Variants in COG6 observed in about 807,000 individuals in gnomAD.
The protein encoded by COG6 is component of oligomeric golgi complex 6, also known as conserved oligomeric Golgi complex subunit 6.
Under a neutral mutation model 88.8 loss-of-function variants are expected in COG6, and 74 were observed. The observed-to-expected ratio is 0.83, with a 90% CI of 0.69 to 1.01. The LOEUF (loss-of-function observed/expected upper bound fraction) is 1.01, where lower values mean the gene tolerates loss of function less well. COG6 is among the 50% of genes least tolerant of loss of function. The pLI is 0.00. For synonymous variants in COG6, 286 were observed against 278.7 expected (o/e 1.03, Z -0.26); for missense variants, 800 against 797.9 (o/e 1.00, Z -0.03).
chr13:39,734,763 T>C (rs1023323726), intron 18 of COG6, among the ~76,000 whole-genome samples: 6 of 152,218 alleles, frequency 3.9e-5, no homozygotes, highest in Non-Finnish European at 8.8e-5. Context: ...ATGCTTGCTT[T>C]GTATATCTGG....
At chr13:39,774,331 A>G (rs1881402601) in intron 18 of COG6, among the ~76,000 whole-genome samples, 1 of 152,212 alleles carries the variant, frequency 6.6e-6, no homozygotes, top group Non-Finnish European at 1.5e-5. Context: ...AGAAGAATAT[A>G]AGATATTTAT....
intron 18 of COG6, among the ~76,000 whole-genome samples, chr13:39,732,080 G>A (rs547867762): frequency 2.6e-5 from 4 of 152,208 alleles, no homozygotes; most frequent in East Asian, 1.9e-4. Context: ...CCCCATTGAC[G>A]GTGAATCTTC....
At chr13:39,672,531 G>C (rs1875712742) in intron 4 of COG6, among the ~76,000 whole-genome samples, 2 of 151,886 alleles carry the variant, frequency 1.3e-5, no homozygotes, top group Admixed American at 1.3e-4. Context: ...TTTTTGACTA[G>C]CTTTTTCCAC....
chr13:39,709,046 T>C (rs1878095769), intron 13 of COG6, among the ~76,000 whole-genome samples: 1 of 152,164 alleles, frequency 6.6e-6, no homozygotes, highest in Non-Finnish European at 1.5e-5. Flanking sequence ...CTTTGGAGTC[T>C]GATAGAGCTG....
At position 39,687,530 on chromosome 13, in the gene COG6, C is replaced by A. The variant is rs763364827; in HGVS notation, c.816C>A (p.Ala272=). ...YKYTLDEFGT[A]RRSTVVRGFI... is the part of the protein sequence containing the mutation. ...ATACCTTAGATGAATTTGGAACAGC[C>A]AGAAGAAGTACAGTTGTTCGTGGAT... The change falls in exon 9 of 19, where the codon GCC becomes GCA. Residue 272 remains alanine, a synonymous_variant. Transcript: ENST00000455146. 1.9e-6 allele frequency: 3 copies of A among 1,612,904 alleles called. No individual in the cohort carries two copies. In the African/African-American group the frequency reaches 4.0e-5, roughly 22 times the overall value.
At chr13:39,670,957 C>T (rs898099787) in intron 4 of COG6, among the ~76,000 whole-genome samples, 29 of 152,100 alleles carry the variant, frequency 1.9e-4, no homozygotes, top group African/African-American at 6.7e-4. Context: ...ATTACAGAAG[C>T]GTATGTGGCA....
At chr13:39,760,845 T>C (rs953475535) in intron 18 of COG6, among the ~76,000 whole-genome samples, 6 of 152,108 alleles carry the variant, frequency 3.9e-5, no homozygotes, top group Non-Finnish European at 8.8e-5. Flanking sequence ...TATGTATTTT[T>C]ACTGCACTCT....
intron 18 of COG6, among the ~76,000 whole-genome samples, chr13:39,765,770 C>T (rs765981105): frequency 6.6e-6 from 1 of 152,016 alleles, no homozygotes; most frequent in Non-Finnish European, 1.5e-5. Context: ...TATCCAATAG[C>T]CTAAGGTTTC....
chr13:39,680,851 T>C (rs1362799164), intron 7 of COG6, among the ~76,000 whole-genome samples: 1 of 152,170 alleles, frequency 6.6e-6, no homozygotes, highest in African/African-American at 2.4e-5. Flanking sequence ...ACTTCCATTG[T>C]GAGGCCTGTG....
rs143645489 is a variant in COG6 at position 39,751,002 on chromosome 13, A to G, written c.1883A>G (p.Tyr628Cys). The change falls in exon 19 of 19, where the codon TAT becomes TGT. Residue 628 changes from tyrosine (Y) to cysteine (C), a missense_variant. By Grantham distance (194) the Tyr-to-Cys change is radical. Coordinates refer to ENST00000455146, the MANE Select transcript of COG6 (RefSeq NM_020751.3). Reference protein sequence around the residue: ...ELVCRAYGEVYAAVMNPINEY... With the variant: ...ELVCRAYGEVCAAVMNPINEY... ...GTCTGCAGAGCCTATGGTGAAGTGT[A>G]TGCAGCCGTGATGAATCCAATCAAT... The G allele has an allele frequency of 1.2e-4, 201 of 1,613,596 alleles. No individual in the cohort carries two copies. Among genetic ancestry groups the G allele is most frequent in the Admixed American group, 1.8e-4 (11 of 59,922 alleles).
At position 39,708,417 on chromosome 13, in the gene COG6, G is replaced by A. The variant is rs565658489; in HGVS notation, c.1284+8799G>A. Among the ~76,000 whole-genome samples, 3 of 152,174 alleles carry A rather than the reference G, an allele frequency of 2.0e-5. No homozygotes were observed. In the South Asian group the frequency reaches 6.2e-4, roughly 32 times the overall value. ...CTTGTATAACAAGCTTTTATTTCAT[G>A]ATTAGTTCCTTTTGTGTCCTGTTTA... On this transcript the variant is annotated intron_variant, in intron 13 of 18. Transcript: ENST00000455146.
In COG6 at chr13:39,770,635, C is replaced by T. The variant is rs145671347; in HGVS notation, c.1827-17700C>T. 7.2e-5 allele frequency among the ~76,000 whole-genome samples: 11 copies of T among 152,214 alleles called. 1 individual carries two copies. In the East Asian group the frequency reaches 1.9e-3, roughly 27 times the overall value. On this transcript the variant is annotated intron_variant, in intron 18 of 18. Transcript: ENST00000416691. ...TCCTTTCAGTGCTATTTAATTTAATCCATTTGATTAAAAAGAGAAAGAAAT... is the reference window on the plus strand; with the variant it reads ...TCCTTTCAGTGCTATTTAATTTAATTCATTTGATTAAAAAGAGAAAGAAAT...
At chr13:39,769,802 T>C (rs746188509) in intron 18 of COG6, among the ~76,000 whole-genome samples, 3 of 152,110 alleles carry the variant, frequency 2.0e-5, no homozygotes, top group Non-Finnish European at 2.9e-5. Flanking sequence ...CCTTATAAAA[T>C]AGGCATGAGA....
intron 8 of COG6, among the ~76,000 whole-genome samples, chr13:39,683,747 T>TA (rs5803004): frequency 0.71 from 105,703 of 148,534 alleles, 37,665 homozygotes; most frequent in Admixed American, 0.8. Flanking sequence ...TTTTATGTAT[T>TA]AAAAAAAAAA....
chr13:39,696,666 A>G (rs367858559), intron 12 of COG6, among the ~76,000 whole-genome samples: 4 of 151,690 alleles, frequency 2.6e-5, no homozygotes, highest in African/African-American at 9.7e-5. Flanking sequence ...GCCAGCTCAC[A>G]CAGGATTTTG....
chr13:39,735,706 C>CTT (rs747873961), intron 18 of COG6, among the ~76,000 whole-genome samples: 32 of 108,048 alleles, frequency 3.0e-4, no homozygotes, highest in African/African-American at 9.2e-4. Flanking sequence ...TGATGAAGTC[C>CTT]TTTTTTTTTT....
chr13:39,773,806 C>A (rs1362533149), intron 18 of COG6, among the ~76,000 whole-genome samples: 3 of 151,708 alleles, frequency 2.0e-5, no homozygotes, highest in African/African-American at 7.3e-5. Context: ...ACATGTAAAA[C>A]CTATCATGGT....
chr13:39,756,775 CTG>C (rs977230980), downstream of COG6, among the ~76,000 whole-genome samples: 5 of 152,044 alleles, frequency 3.3e-5, no homozygotes, highest in African/African-American at 1.2e-4. Context: ...GGGAACATAT[CTG>C]TATCTGGCAA....
intron 11 of COG6, among the ~76,000 whole-genome samples, chr13:39,690,170 G>C (rs1482927687): frequency 1.3e-5 from 2 of 151,910 alleles, no homozygotes; most frequent in Non-Finnish European, 2.9e-5. Context: ...TTGTTTACTT[G>C]ATTGCTTCAA....
Sources: gnomAD v4.1 joint callset for allele counts (sites outside exome capture counted in the v4.1 genomes callset) on GRCh38, gnomAD v4.1.1 for gene constraint, MANE v1.5 for transcripts, NCBI Gene and HGNC (gene_info 2026-07-23, HGNC 2026-07-21) for gene names.